The following PRKAR2A variants were observed in gnomAD, a reference collection of about 807,000 sequenced individuals.
PRKAR2A encodes the protein protein kinase cAMP-dependent type II regulatory subunit alpha.
PRKAR2A carries 29 observed loss-of-function variants against 51.9 expected under a neutral mutation model. The ratio of observed to expected loss-of-function variants is 0.56; its 90% CI spans 0.42 to 0.76. The LOEUF is 0.76. PRKAR2A is among the 30% of genes least tolerant of loss of function. PRKAR2A has a pLI of 0.00. For synonymous variants in PRKAR2A, 178 were observed against 186.2 expected, an observed-to-expected ratio of 0.96 and a Z score of 0.36; for missense variants, 445 against 512.1, an observed-to-expected ratio of 0.87 and a Z score of 1.26.
intron 6 of PRKAR2A, among the ~76,000 whole-genome samples, chr3:48,768,102 C>T (rs1193043427): frequency 6.6e-6 from 1 of 151,826 alleles, no homozygotes; most frequent in East Asian, 1.9e-4. Context: ...TGAGAACAGC[C>T]TGGGCAACAT....
At chr3:48,833,974 G>GTAGTGAGCTGAGATCGCGTCA (rs2083237351) in intron 1 of PRKAR2A, among the ~76,000 whole-genome samples, 1 of 150,022 alleles carries the variant, frequency 6.7e-6, no homozygotes, top group African/African-American at 2.5e-5. Context: ...GAGACAGGTT[G>GTAGTGAGCTGAGATCGCGTCA]TAGTGAGCTG....
intron 3 of PRKAR2A, among the ~76,000 whole-genome samples, chr3:48,793,234 C>T (rs181933621): frequency 1.2e-3 from 186 of 152,244 alleles, no homozygotes; most frequent in Non-Finnish European, 2.0e-3. Flanking sequence ...AGATTCTCTT[C>T]ATTTGAATGT....
At chr3:48,793,519 C>T (rs949454574) in intron 3 of PRKAR2A, among the ~76,000 whole-genome samples, 2 of 152,086 alleles carry the variant, frequency 1.3e-5, no homozygotes, top group Non-Finnish European at 2.9e-5. Flanking sequence ...CTGATCTTCC[C>T]ACCTCAACCT....
At chr3:48,831,710 G>A (rs764435965) in intron 1 of PRKAR2A, among the ~76,000 whole-genome samples, 2 of 151,874 alleles carry the variant, frequency 1.3e-5, no homozygotes, top group African/African-American at 4.8e-5. Context: ...TTCACCTCCC[G>A]GGTTCAAGAA....
intron 6 of PRKAR2A, among the ~76,000 whole-genome samples, chr3:48,768,562 G>T (rs1300920638): frequency 6.6e-6 from 1 of 151,740 alleles, no homozygotes; most frequent in African/African-American, 2.4e-5. Flanking sequence ...GCTGGGCATG[G>T]TGGTGTACAC....
chr3:48,751,206 C>T lies in PRKAR2A; in HGVS notation c.*379G>A, dbSNP rs1262383111. The stretch of plus-strand genomic sequence containing the variant: ...TCTACAGTTATACAACAGGTTTCTG[C>T]AGACCCTGTGGTAACTTCCAAAAGC... On this transcript the variant is annotated 3_prime_UTR_variant, in exon 11 of 11. Coordinates refer to ENST00000265563, the MANE Select transcript of PRKAR2A (RefSeq NM_004157.4). 2.3e-6 allele frequency: 1 copy of T among 434,474 alleles called. No individual in the cohort carries two copies. Among genetic ancestry groups the T allele is most frequent in the Non-Finnish European group, 4.6e-6 (1 of 218,448 alleles). The allele number at this position is 434,474 out of a possible 1,614,324, so 26.9% of individuals were successfully genotyped here.
intron 1 of PRKAR2A, among the ~76,000 whole-genome samples, chr3:48,827,478 C>T (rs913957423): frequency 6.6e-6 from 1 of 152,264 alleles, no homozygotes; most frequent in African/African-American, 2.4e-5. Flanking sequence ...TCACTTCATT[C>T]TGAGAAATTT....
chr3:48,781,758 G>A (rs1205155236), intron 5 of PRKAR2A, among the ~76,000 whole-genome samples: 3 of 151,832 alleles, frequency 2.0e-5, no homozygotes, highest in Non-Finnish European at 2.9e-5. Context: ...TGATCTGCCC[G>A]CCTCAGCCTC....
Position 48,847,448 on chromosome 3 carries a change from A to G in PRKAR2A, c.149T>C (p.Leu50Pro). The change falls in exon 1 of 11, where the codon CTG (leucine) becomes CCG (proline). Residue 50 changes from leucine to proline, a missense_variant. By Grantham distance (98) the Leu-to-Pro change is moderately conservative (BLOSUM62 -3). Coordinates refer to ENST00000265563, the MANE Select transcript of PRKAR2A (RefSeq NM_004157.4). This position sits in a 1 kb window ranked among gnomAD's most constrained non-coding sequence, Gnocchi z 4.4. ...LREARAPASV[L>P]PAATPRQSLG... ...GCTCTGGCGTGGGGTGGCGGCGGGCAGGACTGAGGCTGGGGCGCGGGCCTC... is the reference window on the plus strand; with the variant it reads ...GCTCTGGCGTGGGGTGGCGGCGGGCGGGACTGAGGCTGGGGCGCGGGCCTC... The G allele has an allele frequency of 6.3e-7, 1 of 1,577,546 alleles. No homozygotes were observed. The highest frequency in any genetic ancestry group is 8.6e-7 in the Non-Finnish European group (1 of 1,161,662).
chr3:48,774,537 C>T (rs7431395), intron 5 of PRKAR2A, among the ~76,000 whole-genome samples: 1 of 152,108 alleles, frequency 6.6e-6, no homozygotes, highest in African/African-American at 2.4e-5. Flanking sequence ...TTTATTTCTT[C>T]TATCTAACTG....
At chr3:48,755,574 T>A (rs1478652805) in intron 9 of PRKAR2A, among the ~76,000 whole-genome samples, 1 of 151,300 alleles carries the variant, frequency 6.6e-6, no homozygotes, top group Non-Finnish European at 1.5e-5. Flanking sequence ...TCCCTTCCAA[T>A]CTCTTTTTAT....
intron 1 of PRKAR2A, among the ~76,000 whole-genome samples, chr3:48,831,306 G>C (rs2083183725): frequency 6.6e-6 from 1 of 150,978 alleles, no homozygotes; most frequent in African/African-American, 2.4e-5. Context: ...TGCAGTGCAA[G>C]ACTGTATAAC....
chr3:48,787,679 G>A (rs2082317778), intron 4 of PRKAR2A, among the ~76,000 whole-genome samples: 1 of 152,184 alleles, frequency 6.6e-6, no homozygotes, highest in African/African-American at 2.4e-5. Context: ...ACAGACCACT[G>A]TTTCTCATAA....
At chr3:48,770,191 C>T (rs1235753976) in intron 6 of PRKAR2A, among the ~76,000 whole-genome samples, 5 of 152,110 alleles carry the variant, frequency 3.3e-5, no homozygotes, top group Non-Finnish European at 7.3e-5. Flanking sequence ...ATCAACATAG[C>T]CTTTGATGAG....
chr3:48,768,296 G>GATAT, intron 6 of PRKAR2A, among the ~76,000 whole-genome samples: 1 of 133,144 alleles, frequency 7.5e-6, no homozygotes, highest in East Asian at 2.3e-4. Context: ...CGTCTCAAAA[G>GATAT]ATAGATAGAT....
At chr3:48,782,572 C>T (rs566799803) in intron 5 of PRKAR2A, among the ~76,000 whole-genome samples, 6 of 152,246 alleles carry the variant, frequency 3.9e-5, no homozygotes, top group Admixed American at 2.0e-4. Context: ...TCTCCAGCCT[C>T]AGCCTCCCAA....
At chr3:48,779,958 G>A (rs1271606468) in intron 5 of PRKAR2A, among the ~76,000 whole-genome samples, 1 of 150,862 alleles carries the variant, frequency 6.6e-6, no homozygotes. Context: ...TCAAGAGATC[G>A]AGACCATCAG....
intron 1 of PRKAR2A, among the ~76,000 whole-genome samples, chr3:48,838,118 C>A (rs2083313771): frequency 6.6e-6 from 1 of 151,946 alleles, no homozygotes; most frequent in African/African-American, 2.4e-5. Context: ...GCGGAGCTTG[C>A]AGTGAGCTGA....
chr3:48,760,940 T>C (rs1177729384), intron 8 of PRKAR2A, among the ~76,000 whole-genome samples: 1 of 151,772 alleles, frequency 6.6e-6, no homozygotes, highest in Non-Finnish European at 1.5e-5. Flanking sequence ...TGAGCTATGA[T>C]TGCACACTGT....
Sources: allele counts gnomAD v4.1 joint callset (sites outside exome capture counted in the v4.1 genomes callset), GRCh38; gene constraint gnomAD v4.1.1; non-coding constraint Gnocchi (gnomAD v3.1); transcripts MANE v1.5; gene names NCBI Gene and HGNC (gene_info 2026-07-23, HGNC 2026-07-21).